The following HSD17B3 variants were observed in gnomAD, a reference collection of about 807,000 sequenced individuals.
The protein encoded by HSD17B3 is 17-beta-hydroxysteroid dehydrogenase type 3.
A neutral mutation model predicts 41.1 loss-of-function variants in HSD17B3; 29 were observed. The ratio of observed to expected loss-of-function variants is 0.71; its 90% CI spans 0.53 to 0.96. HSD17B3 has a LOEUF of 0.96. Ranked by LOEUF, HSD17B3 falls within the 40% of genes least tolerant of loss-of-function variation. The probability of loss-of-function intolerance (pLI) is 0.00; values close to 1 mark genes in which losing one functional copy is unlikely to be tolerated. For missense variants in HSD17B3, 323 were observed against 374.6 expected, an observed-to-expected ratio of 0.86 and a Z score of 1.14; for synonymous variants, 126 against 145.6, an observed-to-expected ratio of 0.87 and a Z score of 0.97.
At chr9:96,242,285 C>G (rs1836488801) in intron 9 of HSD17B3, among the ~76,000 whole-genome samples, 1 of 152,328 alleles carries the variant, frequency 6.6e-6, no homozygotes, top group Admixed American at 6.5e-5. Context: ...TAAGTATTTT[C>G]ATTCTTAAGT....
chr9:96,291,943 T>G (rs1393073155), intron 2 of HSD17B3, among the ~76,000 whole-genome samples: 1 of 150,626 alleles, frequency 6.6e-6, no homozygotes, highest in Non-Finnish European at 1.5e-5. Context: ...GGTGACAGAG[T>G]GAGACACCAT....
intron 2 of HSD17B3, among the ~76,000 whole-genome samples, chr9:96,284,255 T>C (rs1826822533): frequency 6.8e-6 from 1 of 148,122 alleles, no homozygotes; most frequent in African/African-American, 2.4e-5. Flanking sequence ...AAAGTAATCT[T>C]TTTAAACTTT....
At chr9:96,273,730 G>A (rs1464046855) in intron 2 of HSD17B3, among the ~76,000 whole-genome samples, 1 of 152,182 alleles carries the variant, frequency 6.6e-6, no homozygotes, top group Admixed American at 6.5e-5. Flanking sequence ...AGAACAGGAA[G>A]ATCTGCATCC....
chr9:96,259,379 A>G (rs2476923), intron 2 of HSD17B3, among the ~76,000 whole-genome samples: 92,496 of 152,048 alleles, frequency 0.61, 29,414 homozygotes, highest in African/African-American at 0.8. Context: ...ACTTATTTCC[A>G]TCAGCGCAAG....
At chr9:96,281,838 G>A (rs370507332) in intron 2 of HSD17B3, among the ~76,000 whole-genome samples, 14 of 152,278 alleles carry the variant, frequency 9.2e-5, no homozygotes, top group African/African-American at 3.4e-4. Context: ...GGCTCTGTGA[G>A]CGTCTCGCCT....
chr9:96,287,410 C>A (rs965444954), intron 2 of HSD17B3, among the ~76,000 whole-genome samples: 2 of 152,316 alleles, frequency 1.3e-5, no homozygotes, highest in African/African-American at 4.8e-5. Context: ...CGCCAGCCGA[C>A]CTTAATGATA....
chr9:96,240,117 G>A (rs539403993), intron 10 of HSD17B3, among the ~76,000 whole-genome samples: 1 of 152,268 alleles, frequency 6.6e-6, no homozygotes, highest in Admixed American at 6.5e-5. Context: ...CAAATACCTA[G>A]TGCAAGCAGG....
intron 10 of HSD17B3, 48 bp downstream of exon 10, chr9:96,240,710 G>T: frequency 6.2e-7 from 1 of 1,605,378 alleles, no homozygotes. Context: ...AGGGCCACCT[G>T]CGTGTCCTCC....
rs752426255 is a variant in HSD17B3 at position 96,301,955 on chromosome 9, C to T, written c.150G>A (p.Trp50Ter). 1.2e-6 allele frequency: 2 copies of T among 1,613,948 alleles called. No individual in the cohort carries two copies. Among genetic ancestry groups the T allele is most frequent in the South Asian group, 1.1e-5 (1 of 91,066 alleles). ...TGAGATGGAACACTCCCTTACCTGC[C>T]CACTGTCCCATTGACCGCAAGAAAG... is the stretch of plus-strand genomic sequence containing the variant. ...PKSFLRSMGQ[W>*]AVITGAGDGI... The change falls in exon 1 of 11, where the codon TGG becomes TGA. Residue 50 changes from tryptophan (W) to a stop codon, truncating the protein, a stop_gained. Coordinates refer to ENST00000375263, the MANE Select transcript of HSD17B3 (RefSeq NM_000197.2). LOFTEE classifies it high-confidence loss of function.
In HSD17B3 at chr9:96,249,777, G is replaced by A; in HGVS notation, c.463C>T (p.His155Tyr). ...NAPDEIQSLI[H>Y]CNITSVVKMT... ...TTGACTACGGAGGTGATGTTACAAT[G>A]GATGAGGCTCTGTAATAAATAATCA... Residue 155 changes from histidine (H) to tyrosine (Y), a missense_variant, in exon 6 of 11, where the codon CAT becomes TAT. Coordinates refer to ENST00000375263, the MANE Select transcript of HSD17B3 (RefSeq NM_000197.2). 2 of 1,614,030 alleles carry A rather than the reference G, an allele frequency of 1.2e-6. No individual in the cohort carries two copies. The highest frequency in any genetic ancestry group is 8.5e-7 in the Non-Finnish European group (1 of 1,179,932).
intron 2 of HSD17B3, among the ~76,000 whole-genome samples, chr9:96,287,869 C>CAAAAAAAAAAAAAAAAAAAAAAAA (rs35941200): frequency 8.6e-6 from 1 of 116,070 alleles, no homozygotes; most frequent in African/African-American, 2.9e-5. Context: ...TCATAATAGC[C>CAAAAAAAAAAAAAAAAAAAAAAAA]AAAAAAAAAA....
At chr9:96,252,542 CAAA>C (rs750492480) in intron 4 of HSD17B3, among the ~76,000 whole-genome samples, 8 of 63,544 alleles carry the variant, frequency 1.3e-4, no homozygotes, top group Non-Finnish European at 1.4e-4. Context: ...GACTGCATCT[CAAA>C]AAAAAAAAAA....
intron 2 of HSD17B3, among the ~76,000 whole-genome samples, chr9:96,258,062 A>G (rs73654881): frequency 7.6e-4 from 115 of 152,300 alleles, no homozygotes; most frequent in African/African-American, 2.5e-3. Context: ...CCATTCTTCT[A>G]TGGAGTAACT....
At chr9:96,265,065 A>C (rs1040154188) in intron 2 of HSD17B3, among the ~76,000 whole-genome samples, 2 of 152,166 alleles carry the variant, frequency 1.3e-5, no homozygotes, top group Admixed American at 6.5e-5. Context: ...CTCATCTGAC[A>C]CCCTTAGGCA....
intron 10 of HSD17B3, among the ~76,000 whole-genome samples, chr9:96,236,784 C>A (rs767010879): frequency 3.3e-5 from 5 of 152,100 alleles, no homozygotes; most frequent in Non-Finnish European, 5.9e-5. Context: ...CAAATTGCAA[C>A]TGTGTCTTGC....
chr9:96,275,106 T>C (rs1826399612), intron 2 of HSD17B3, among the ~76,000 whole-genome samples: 1 of 150,620 alleles, frequency 6.6e-6, no homozygotes, highest in African/African-American at 2.4e-5. Flanking sequence ...AAAAAAAAGC[T>C]GTCGACCAAG....
chr9:96,278,568 C>G (rs999614495), intron 2 of HSD17B3, among the ~76,000 whole-genome samples: 6 of 151,898 alleles, frequency 4.0e-5, no homozygotes, highest in African/African-American at 1.5e-4. Context: ...GTGGGGCCAC[C>G]CTGCTTGTGT....
At chr9:96,240,496 G>A (rs1384453323) in intron 10 of HSD17B3, among the ~76,000 whole-genome samples, 7 of 152,116 alleles carry the variant, frequency 4.6e-5, no homozygotes, top group Non-Finnish European at 1.0e-4. Flanking sequence ...GGTCTTCCCT[G>A]CCCAACAGCT....
chr9:96,289,535 C>A (rs796481061), intron 2 of HSD17B3, among the ~76,000 whole-genome samples: 23 of 152,278 alleles, frequency 1.5e-4, no homozygotes, highest in African/African-American at 5.3e-4. Flanking sequence ...AAGAATTAAG[C>A]ACCTTTGTCT....
Sources: gnomAD v4.1 joint callset for allele counts (sites outside exome capture counted in the v4.1 genomes callset) on GRCh38, gnomAD v4.1.1 for gene constraint, MANE v1.5 for transcripts, NCBI Gene and HGNC (gene_info 2026-07-23, HGNC 2026-07-21) for gene names.